The following UBTD1 variants were observed in gnomAD, a reference collection of about 807,000 sequenced individuals.
The protein encoded by UBTD1 is ubiquitin domain containing 1, also known as ubiquitin domain-containing protein 1.
UBTD1 carries 19 observed loss-of-function variants against 21.7 expected under a neutral mutation model. That is an observed-to-expected ratio of 0.87 (90% CI 0.61 to 1.28). UBTD1 has a LOEUF of 1.28. UBTD1 is among the 50% of genes most tolerant of loss of function. The pLI, the probability that UBTD1 is intolerant of heterozygous loss-of-function variation, is 0.00. For missense variants in UBTD1, 282 were observed against 315.1 expected (o/e 0.89, Z 0.80); for synonymous variants, 116 against 135.1 (o/e 0.86, Z 0.98).
At chr10:97,532,799 AAAG>A (rs1339238576) in intron 1 of UBTD1, among the ~76,000 whole-genome samples, 18 of 21,156 alleles carry the variant, frequency 8.5e-4, no homozygotes, top group African/African-American at 1.3e-3. Context: ...TCAAAAAAAA[AAAG>A]AAAGAAAGAA....
chr10:97,527,896 C>T (rs1362202657), intron 1 of UBTD1, among the ~76,000 whole-genome samples: 1 of 152,250 alleles, frequency 6.6e-6, no homozygotes, highest in African/African-American at 2.4e-5. Flanking sequence ...AATCTTCCAC[C>T]TTTCCCCCTT....
chr10:97,508,622 C>T (rs1426937628), intron 1 of UBTD1, among the ~76,000 whole-genome samples: 1 of 152,082 alleles, frequency 6.6e-6, no homozygotes, highest in Admixed American at 6.6e-5. Context: ...GGTAGGTCAG[C>T]TGTGAAGTCT....
intron 1 of UBTD1, among the ~76,000 whole-genome samples, chr10:97,536,903 G>A (rs2040564936): frequency 1.3e-5 from 2 of 152,094 alleles, no homozygotes; most frequent in Admixed American, 6.5e-5. Flanking sequence ...ACAGGAGGAG[G>A]CACAGGGTGC....
At chr10:97,541,727 G>GA (rs1554866399) in intron 1 of UBTD1, among the ~76,000 whole-genome samples, 5 of 133,176 alleles carry the variant, frequency 3.8e-5, no homozygotes, top group African/African-American at 1.6e-4. Context: ...GGTCCTCTCT[G>GA]ATTTTTTTTT....
At chr10:97,569,929 AAAG>A (rs1276984038) in intron 2 of UBTD1, among the ~76,000 whole-genome samples, 1 of 152,092 alleles carries the variant, frequency 6.6e-6, no homozygotes, top group Non-Finnish European at 1.5e-5. Flanking sequence ...AAAAAAAAAA[AAAG>A]GACCATTTTT....
intron 1 of UBTD1, among the ~76,000 whole-genome samples, chr10:97,546,874 G>C (rs1477237705): frequency 1.3e-5 from 2 of 152,044 alleles, no homozygotes; most frequent in African/African-American, 4.8e-5. Flanking sequence ...AGAATTTACT[G>C]TGCCCCACTG....
At chr10:97,537,464 A>C (rs1269307544) in intron 1 of UBTD1, among the ~76,000 whole-genome samples, 4 of 152,228 alleles carry the variant, frequency 2.6e-5, no homozygotes, top group Non-Finnish European at 4.4e-5. Context: ...TTGCACCTGG[A>C]TTCTTGATCA....
chr10:97,544,554 C>T (rs2040600271), intron 1 of UBTD1, among the ~76,000 whole-genome samples: 1 of 152,186 alleles, frequency 6.6e-6, no homozygotes, highest in Admixed American at 6.5e-5. Flanking sequence ...TTCTACTCCT[C>T]AAAAACTTAG....
intron 1 of UBTD1, among the ~76,000 whole-genome samples, chr10:97,560,914 C>CTCTGGATATAA (rs1564744610): frequency 8.8e-6 from 1 of 113,326 alleles, no homozygotes; most frequent in Non-Finnish European, 2.2e-5. Flanking sequence ...TCCAGAAATC[C>CTCTGGATATAA]AAGCCAGGTC....
chr10:97,528,246 C>T (rs1294584035), intron 1 of UBTD1, among the ~76,000 whole-genome samples: 7 of 122,404 alleles, frequency 5.7e-5, no homozygotes, highest in South Asian at 3.1e-4. Context: ...CCAGTAGGGG[C>T]GGCCGGGCAG....
intron 1 of UBTD1, among the ~76,000 whole-genome samples, chr10:97,501,423 C>T (rs1304983629): frequency 2.6e-5 from 4 of 152,122 alleles, no homozygotes; most frequent in Admixed American, 6.5e-5. Context: ...CCTGTCTCTA[C>T]TAAAAATACA....
chr10:97,562,417 A>G (rs1235694424), intron 1 of UBTD1, among the ~76,000 whole-genome samples: 2 of 152,210 alleles, frequency 1.3e-5, no homozygotes. Flanking sequence ...GGGTGGTGGC[A>G]TTATCGTTAG....
intron 1 of UBTD1, among the ~76,000 whole-genome samples, chr10:97,500,172 TCA>T (rs1298668763): frequency 6.6e-6 from 1 of 152,214 alleles, no homozygotes; most frequent in African/African-American, 2.4e-5. Context: ...TTGTCCAAAG[TCA>T]CACAGCTAGT....
intron 1 of UBTD1, among the ~76,000 whole-genome samples, chr10:97,542,027 C>T (rs543464561): frequency 2.0e-5 from 3 of 152,302 alleles, no homozygotes; most frequent in Admixed American, 6.5e-5. Flanking sequence ...TGATCCACCA[C>T]GCCCGGCCTC....
At chr10:97,517,452 G>A (rs1318560159) in intron 1 of UBTD1, among the ~76,000 whole-genome samples, 1 of 152,158 alleles carries the variant, frequency 6.6e-6, no homozygotes, top group Non-Finnish European at 1.5e-5. Flanking sequence ...CAGTGGCCAA[G>A]TCGCCTCAGC....
chr10:97,510,212 A>G (rs1375934953), intron 1 of UBTD1, among the ~76,000 whole-genome samples: 1 of 151,948 alleles, frequency 6.6e-6, no homozygotes, highest in Non-Finnish European at 1.5e-5. Flanking sequence ...TGGTCCACCC[A>G]CCTCAGCCTC....
At position 97,550,760 on chromosome 10, in the gene UBTD1, C is replaced by T. The variant is rs575883700; in HGVS notation, c.71-17154C>T. Among the ~76,000 whole-genome samples the T allele has an allele frequency of 6.6e-5, 10 of 152,292 alleles. No homozygotes were observed. In the East Asian group the frequency reaches 7.7e-4, roughly 12 times the overall value. Reference sequence around the variant, plus strand: ...ACACACACACACGCATACACACTCACACTCATAGATGCACACCAGCTCTGG... The same window carrying T: ...ACACACACACACGCATACACACTCATACTCATAGATGCACACCAGCTCTGG... On this transcript the variant is annotated intron_variant, in intron 1 of 2. Transcript: ENST00000370664.
intron 1 of UBTD1, among the ~76,000 whole-genome samples, chr10:97,500,244 C>T (rs1175843551): frequency 6.6e-6 from 1 of 152,212 alleles, no homozygotes; most frequent in East Asian, 1.9e-4. Context: ...CACATATCCC[C>T]TTATGTAAGA....
chr10:97,506,810 G>A (rs967767724), intron 1 of UBTD1, among the ~76,000 whole-genome samples: 6 of 152,194 alleles, frequency 3.9e-5, no homozygotes, highest in Non-Finnish European at 5.9e-5. Flanking sequence ...TGTTGTCAAG[G>A]TTCCATGGTG....
Sources: allele counts gnomAD v4.1 joint callset (sites outside exome capture counted in the v4.1 genomes callset), GRCh38; gene constraint gnomAD v4.1.1; transcripts MANE v1.5; gene names NCBI Gene and HGNC (gene_info 2026-07-23, HGNC 2026-07-21).